SCN10A: variants seen among roughly 807,000 people sequenced by gnomAD.
SCN10A encodes sodium channel protein type 10 subunit alpha.
SCN10A carries 162 observed loss-of-function variants against 170.7 expected under a neutral mutation model. The ratio of observed to expected loss-of-function variants is 0.95; its 90% CI spans 0.84 to 1.08. SCN10A has a LOEUF of 1.08. Ranked by LOEUF, SCN10A falls within the 50% of genes least tolerant of loss-of-function variation. SCN10A has a pLI of 0.00. For synonymous variants in SCN10A, 985 were observed against 904.6 expected, an observed-to-expected ratio of 1.09 and a Z score of -1.59; for missense variants, 2,527 against 2,436.9, an observed-to-expected ratio of 1.04 and a Z score of -0.78.
Position 38,755,937 on chromosome 3 carries a change from C to T in SCN10A, c.1312G>A (p.Asp438Asn). 6 of 1,614,182 alleles carry T rather than the reference C, an allele frequency of 3.7e-6. No homozygotes were observed. The highest frequency in any genetic ancestry group is 5.1e-6 in the Non-Finnish European group (6 of 1,180,030). ...EQEVLAALGI[D>N]TTSLHSHNGS... is the part of the protein sequence containing the mutation. ...TTGTGGGAGTGGAGAGAGGTTGTGT[C>T]AATCCCTAGTGCTGCTAGCACCTGC... The change falls in exon 11 of 28, where the codon GAC becomes AAC. Residue 438 changes from aspartate (D) to asparagine (N), a missense_variant. Transcript: ENST00000449082.
intron 8 of SCN10A, among the ~76,000 whole-genome samples, chr3:38,760,183 C>T (rs1335697828): frequency 6.6e-6 from 1 of 152,188 alleles, no homozygotes; most frequent in Non-Finnish European, 1.5e-5. Flanking sequence ...AAGAATGTAT[C>T]AGAATGTACA....
intron 8 of SCN10A, among the ~76,000 whole-genome samples, 195 bp downstream of exon 8, chr3:38,760,486 G>T (rs980673984): frequency 6.6e-6 from 1 of 152,202 alleles, no homozygotes; most frequent in East Asian, 1.9e-4. Flanking sequence ...ACAAAATTTT[G>T]GGGTCATTTG....
rs938846460 is a variant in SCN10A at position 38,728,634 on chromosome 3, A to G, written c.2548T>C (p.Trp850Arg). 6 of 1,613,914 alleles carry G rather than the reference A, an allele frequency of 3.7e-6. No individual in the cohort carries two copies. Among genetic ancestry groups the G allele is most frequent in the Non-Finnish European group, 5.1e-6 (6 of 1,179,970 alleles). The change falls in exon 16 of 28, where the codon TGG (tryptophan) becomes CGG (arginine). Residue 850 changes from tryptophan (W) to arginine (R), a missense_variant. By Grantham distance (101) the Trp-to-Arg change is moderately radical (BLOSUM62 -3). Transcript: ENST00000449082. ...LIVFRILCGE[W>R]IENMWACMEV... ...ATGCAGGCCCACATGTTCTCAATCCACTCTCCACAGAGGATACGGAAGACA... is the reference window on the plus strand; with the variant it reads ...ATGCAGGCCCACATGTTCTCAATCCGCTCTCCACAGAGGATACGGAAGACA...
At position 38,789,432 on chromosome 3, in the gene SCN10A, G is replaced by A. The variant is rs549191107; in HGVS notation, c.390-396C>T. ...CTTTTCCAAAATGTCCTTCTGCCCC[G>A]AAGCCTTCATTTCAGTATACAAAAT... On this transcript the variant is annotated intron_variant, in intron 3 of 27. Transcript: ENST00000449082. Among the ~76,000 whole-genome samples the A allele has an allele frequency of 1.2e-3, 181 of 152,184 alleles. 1 individual carries two copies. Among genetic ancestry groups the A allele is most frequent in the African/African-American group, 4.2e-3 (173 of 41,528 alleles).
intron 16 of SCN10A, 92 bp from the exon 17 acceptor site, chr3:38,727,144 C>T: frequency 1.6e-6 from 2 of 1,255,642 alleles, no homozygotes; most frequent in East Asian, 2.4e-5. Flanking sequence ...GCAAGACAGC[C>T]ACGGCCTGGG....
At chr3:38,750,786 G>A (rs1315457029) in intron 12 of SCN10A, among the ~76,000 whole-genome samples, 1 of 152,216 alleles carries the variant, frequency 6.6e-6, no homozygotes, top group Non-Finnish European at 1.5e-5. Context: ...AATTTAACTA[G>A]AATGAATCAA....
intron 13 of SCN10A, among the ~76,000 whole-genome samples, chr3:38,748,971 T>C (rs2063721044): frequency 6.6e-6 from 1 of 152,216 alleles, no homozygotes; most frequent in South Asian, 2.1e-4. Context: ...TCACCTTTGT[T>C]AATGCACTGC....
chr3:38,769,216 C>CTTAA (rs1423746857), intron 5 of SCN10A, among the ~76,000 whole-genome samples: 3 of 146,094 alleles, frequency 2.1e-5, no homozygotes, highest in African/African-American at 7.5e-5. Context: ...CCTTGAATCA[C>CTTAA]TTAATAATCA....
At position 38,726,790 on chromosome 3, in the gene SCN10A, C is replaced by G; in HGVS notation, c.2903G>C (p.Arg968Thr). Residue 968 changes from arginine (R) to threonine (T), a missense_variant, in exon 17 of 28, where the codon AGG (arginine) becomes ACG (threonine). Arg to Thr is a moderately conservative substitution (Grantham distance 71, BLOSUM62 -1). Transcript: ENST00000449082. ...AGCTTGGAGCCCTCCAGAGCTCCCC[C>G]TGGCAGTGTTGGCAGCAATGTGGTT... is the stretch of plus-strand genomic sequence containing the variant. ...AENHIAANTA[R>T]GSSGGLQAPR... is the part of the protein sequence containing the mutation. 6.2e-7 allele frequency: 1 copy of G among 1,611,432 alleles called. No individual in the cohort carries two copies. Among genetic ancestry groups the G allele is most frequent in the Non-Finnish European group, 8.5e-7 (1 of 1,177,714 alleles).
chr3:38,764,708 T>C (rs879680207), intron 5 of SCN10A, among the ~76,000 whole-genome samples: 3 of 152,334 alleles, frequency 2.0e-5, no homozygotes, highest in Non-Finnish European at 2.9e-5. Context: ...AATAATGGCT[T>C]ATTTTCCTCT....
In SCN10A at chr3:38,792,139, G is replaced by A. The variant is rs1409974826; in HGVS notation, c.300C>T (p.Thr100=). ...RTFMVLNKGR[T]ISRFSATRAL... ...CCCGAGTGGCACTAAACCGGGAAATGGTCCTCCCTTTGTTCAGCACCATAA... is the reference window on the plus strand; with the variant it reads ...CCCGAGTGGCACTAAACCGGGAAATAGTCCTCCCTTTGTTCAGCACCATAA... The change falls in exon 3 of 28, where the codon ACC becomes ACT. Residue 100 remains threonine (T), a synonymous_variant. Transcript: ENST00000449082. 4 of 1,613,806 alleles carry A rather than the reference G, an allele frequency of 2.5e-6. No individual in the cohort carries two copies. Among genetic ancestry groups the A allele is most frequent in the South Asian group, 2.2e-5 (2 of 91,064 alleles).
intron 12 of SCN10A, among the ~76,000 whole-genome samples, chr3:38,750,889 A>T (rs56654680): frequency 0.16 from 24,154 of 152,192 alleles, 2,755 homozygotes; most frequent in African/African-American, 0.3. Context: ...TCAGTGAGGC[A>T]TTTTCTAGAG....
intron 20 of SCN10A, among the ~76,000 whole-genome samples, chr3:38,721,080 C>T (rs1229112337): frequency 1.3e-5 from 2 of 152,158 alleles, no homozygotes; most frequent in African/African-American, 4.8e-5. Flanking sequence ...GTCATTGCCA[C>T]CCTAGTTTTC....
At chr3:38,791,892 C>G (rs1216393945) in intron 3 of SCN10A, 158 bp downstream of exon 3, 6 of 442,720 alleles carry the variant, frequency 1.4e-5, no homozygotes, top group Non-Finnish European at 1.8e-5. Flanking sequence ...GTGTGGGACA[C>G]ATTAAAGGCC....
At chr3:38,721,598 C>T (rs2063390558) in intron 20 of SCN10A, among the ~76,000 whole-genome samples, 2 of 152,148 alleles carry the variant, frequency 1.3e-5, no homozygotes, top group East Asian at 1.9e-4. Context: ...ATCTCTATTC[C>T]CATAAGGCCT....
chr3:38,799,731 T>TAA (rs113522324), intron 1 of SCN10A, among the ~76,000 whole-genome samples: 2 of 152,094 alleles, frequency 1.3e-5, no homozygotes, highest in Non-Finnish European at 2.9e-5. Context: ...AGTTTTTCTT[T>TAA]AAAAAAATCA....
intron 14 of SCN10A, among the ~76,000 whole-genome samples, chr3:38,741,487 A>G (rs916242085): frequency 6.6e-6 from 1 of 152,204 alleles, no homozygotes; most frequent in African/African-American, 2.4e-5. Context: ...AAAGGGAATA[A>G]CAAGAGTGCC....
At chr3:38,703,766 C>T (rs978719105) in intron 26 of SCN10A, among the ~76,000 whole-genome samples, 7 of 152,128 alleles carry the variant, frequency 4.6e-5, no homozygotes, top group Non-Finnish European at 1.0e-4. Context: ...CATTTTTTCT[C>T]CCTTGACAAT....
Position 38,742,510 on chromosome 3 carries a change from C to G in SCN10A, c.1887G>C (p.Gln629His). 1 of 1,614,126 alleles carries G rather than the reference C, an allele frequency of 6.2e-7. No homozygotes were observed. The highest frequency in any genetic ancestry group is 8.5e-7 in the Non-Finnish European group (1 of 1,180,014). The change falls in exon 14 of 28, where the codon CAG (glutamine) becomes CAC (histidine). Residue 629 changes from glutamine (Q) to histidine (H), a missense_variant. By Grantham distance (24) the Gln-to-His change is conservative (BLOSUM62 0). Coordinates refer to ENST00000449082, the MANE Select transcript of SCN10A (RefSeq NM_006514.4). The part of the protein sequence containing the change: ...SVLEELEESE[Q>H]KCPPCLTSLS... Reference sequence around the variant, plus strand: ...AGCTGGTCAAGCAGGGTGGGCACTTCTGTTCAGACTCCTCGAGTTCTGCAT... The same window carrying G: ...AGCTGGTCAAGCAGGGTGGGCACTTGTGTTCAGACTCCTCGAGTTCTGCAT...
Sources: allele counts gnomAD v4.1 joint callset (sites outside exome capture counted in the v4.1 genomes callset), GRCh38; gene constraint gnomAD v4.1.1; transcripts MANE v1.5; gene names NCBI Gene and HGNC (gene_info 2026-07-23, HGNC 2026-07-21).